Variants in PDZRN3 observed in about 807,000 individuals in gnomAD.
The protein encoded by PDZRN3 is E3 ubiquitin-protein ligase PDZRN3.
PDZRN3 carries 38 observed loss-of-function variants against 85.7 expected under a neutral mutation model. That is an observed-to-expected ratio of 0.44 (90% CI 0.34 to 0.58). PDZRN3 has a LOEUF of 0.58. Among genes scored for constraint, PDZRN3 ranks in the 20% least tolerant of loss-of-function variants. The pLI is 0.01. For synonymous variants in PDZRN3, 759 were observed against 638.0 expected, an observed-to-expected ratio of 1.19 and a Z score of -2.86; for missense variants, 1,629 against 1,506.4, an observed-to-expected ratio of 1.08 and a Z score of -1.35.
chr3:73,585,304 A>C (rs780162326), intron 3 of PDZRN3, among the ~76,000 whole-genome samples: 1 of 152,246 alleles, frequency 6.6e-6, no homozygotes, highest in Admixed American at 6.5e-5. Flanking sequence ...TGGGTTCAGC[A>C]TAACTGTCAT....
intron 3 of PDZRN3, chr3:73,408,220 G>A (rs1701893536): frequency 1.4e-6 from 1 of 702,880 alleles, no homozygotes; most frequent in South Asian, 1.5e-5. Flanking sequence ...CTGGCTGTGG[G>A]CTTTGGGCAA....
chr3:73,624,163 G>T lies in PDZRN3; in HGVS notation c.663C>A (p.Thr221=), dbSNP rs774486590. ...MTALRYQKKF[T]EYSARLDSLS... The stretch of plus-strand genomic sequence containing the variant: ...GCGAGTCGAGGCGCGCGCTGTATTC[G>T]GTGAATTTCTTCTGGTAGCGCAGCG... Residue 221 remains threonine, a synonymous_variant, in exon 1 of 10, where the codon ACC becomes ACA. Coordinates refer to ENST00000263666, the MANE Select transcript of PDZRN3 (RefSeq NM_015009.3). The T allele has an allele frequency of 2.1e-5, 32 of 1,502,702 alleles. No individual in the cohort carries two copies. Among genetic ancestry groups the T allele is most frequent in the Non-Finnish European group, 2.6e-5 (29 of 1,131,792 alleles). 93.1% of individuals were successfully genotyped at this position (1,502,702 alleles called of 1,614,324 possible).
chr3:73,605,019 A>C (rs1702575290), intron 2 of PDZRN3, among the ~76,000 whole-genome samples: 1 of 152,118 alleles, frequency 6.6e-6, no homozygotes, highest in Admixed American at 6.5e-5. Context: ...TCAGGAATTC[A>C]AGACCAGCCT....
At chr3:73,397,994 CG>C (rs1297810069) in intron 5 of PDZRN3, among the ~76,000 whole-genome samples, 1 of 152,036 alleles carries the variant, frequency 6.6e-6, no homozygotes, top group East Asian at 1.9e-4. Flanking sequence ...GTGGTGACTT[CG>C]TGATTTTGCA....
rs755724654 is a variant in PDZRN3, at chr3:73,384,561, C to T, written c.2005G>A (p.Gly669Ser). ...ATPYGLYYPSGPLDAGKSDPE... is the reference protein window; with the variant it reads ...ATPYGLYYPSSPLDAGKSDPE... ...TCACTCTTGCCGGCGTCCAGGGGGC[C>T]GCTAGGGTAGTACAGGCCGTAAGGG... Residue 669 changes from glycine to serine, a missense_variant, in exon 10 of 10, where the codon GGC (glycine) becomes AGC (serine). Transcript: ENST00000263666. 12 of 1,613,534 alleles carry T rather than the reference C, an allele frequency of 7.4e-6. No homozygotes were observed. Among genetic ancestry groups the T allele is most frequent in the Middle Eastern group, 1.6e-4 (1 of 6,082 alleles).
In PDZRN3 at chr3:73,383,953, C is replaced by A; in HGVS notation, c.2613G>T (p.Ala871=). 1.2e-6 allele frequency: 2 copies of A among 1,601,002 alleles called. No homozygotes were observed. The highest frequency in any genetic ancestry group is 8.5e-7 in the Non-Finnish European group (1 of 1,174,428). Reference sequence around the variant, plus strand: ...AGTGCTGGGCGTGCGCCGGGATGTGCGCGTGCTTGTATGGGGAGTGGTGAT... The same window carrying A: ...AGTGCTGGGCGTGCGCCGGGATGTGAGCGTGCTTGTATGGGGAGTGGTGAT... ...PSYHHSPYKH[A]HIPAHAQHYQ... The change falls in exon 10 of 10, where the codon GCG becomes GCT. Residue 871 remains alanine (A), a synonymous_variant. Transcript: ENST00000263666.
intron 3 of PDZRN3, among the ~76,000 whole-genome samples, chr3:73,494,706 T>G (rs986592442): frequency 6.6e-6 from 1 of 152,258 alleles, no homozygotes; most frequent in Non-Finnish European, 1.5e-5. Flanking sequence ...TAAGTAATTT[T>G]TGCCTGCCTA....
chr3:73,453,915 G>A (rs954966672), intron 3 of PDZRN3, among the ~76,000 whole-genome samples: 28 of 152,152 alleles, frequency 1.8e-4, no homozygotes, highest in Non-Finnish European at 3.4e-4. Context: ...AGGGGTCAGT[G>A]TTGGCCAATA....
intron 5 of PDZRN3, among the ~76,000 whole-genome samples, chr3:73,396,459 A>G (rs887450815): frequency 6.6e-6 from 1 of 152,152 alleles, no homozygotes; most frequent in African/African-American, 2.4e-5. Context: ...GGGGCTGACC[A>G]GGAAAGGTTC....
At chr3:73,538,708 T>A (rs1173818531) in intron 3 of PDZRN3, among the ~76,000 whole-genome samples, 1 of 152,210 alleles carries the variant, frequency 6.6e-6, no homozygotes, top group Non-Finnish European at 1.5e-5. Context: ...TTGTTTTGCA[T>A]CCATTTTTCT....
In PDZRN3 at chr3:73,385,776, C is replaced by T. The variant is rs780974844; in HGVS notation, c.1528G>A (p.Gly510Ser). Reference protein sequence around the residue: ...IARPELQLDEGWMDDDRNDFL... With the variant: ...IARPELQLDESWMDDDRNDFL... ...TCGTTCCTGTCATCATCCATCCAGC[C>T]CTCATCCAGCTGCAGGCAAGAGCAG... The change falls in exon 9 of 10, where the codon GGC becomes AGC. Residue 510 changes from glycine (G) to serine (S), a missense_variant. Transcript: ENST00000263666. The T allele has an allele frequency of 4.4e-6, 7 of 1,604,346 alleles. No homozygotes were observed. The highest frequency in any genetic ancestry group is 6.0e-6 in the Non-Finnish European group (7 of 1,171,122).
chr3:73,539,154 C>T (rs1191932988), intron 3 of PDZRN3, among the ~76,000 whole-genome samples: 1 of 152,132 alleles, frequency 6.6e-6, no homozygotes, highest in Admixed American at 6.6e-5. Flanking sequence ...ACAAATATAA[C>T]TTAAAGTCAT....
At chr3:73,613,190 A>G (rs1559757989) in intron 1 of PDZRN3, among the ~76,000 whole-genome samples, 2 of 152,166 alleles carry the variant, frequency 1.3e-5, no homozygotes, top group South Asian at 4.1e-4. Flanking sequence ...CCAGGTAGAC[A>G]ATTTTTATTC....
In PDZRN3 at chr3:73,561,415, C is replaced by T. The variant is rs566771094; in HGVS notation, c.918+40939G>A. The T allele has an allele frequency of 2.0e-5, 3 of 152,324 alleles. No individual in the cohort carries two copies. The South Asian group carries it at 6.2e-4, about 32-fold the overall frequency. The allele number at this position is 152,324 out of a possible 1,614,324, so 9.4% of individuals were successfully genotyped here. On this transcript the variant is annotated intron_variant, in intron 3 of 9. Transcript: ENST00000263666. The stretch of plus-strand genomic sequence containing the variant: ...GAAATGAGCATTCCAGCTGATTCCA[C>T]AGCATGTCAAGAAGGGAAAAGGTTA...
chr3:73,610,397 C>T (rs1702665067), intron 1 of PDZRN3, among the ~76,000 whole-genome samples: 1 of 152,230 alleles, frequency 6.6e-6, no homozygotes, highest in Non-Finnish European at 1.5e-5. Context: ...CATCTATCAA[C>T]ACTATCCCTC....
intron 3 of PDZRN3, among the ~76,000 whole-genome samples, chr3:73,497,341 T>C (rs1703885338): frequency 6.6e-6 from 1 of 152,178 alleles, no homozygotes; most frequent in Admixed American, 6.5e-5. Flanking sequence ...TTATCAATAA[T>C]GAAGAAAGCC....
At chr3:73,471,914 A>ACAC (rs1703348088) in intron 3 of PDZRN3, among the ~76,000 whole-genome samples, 1 of 152,228 alleles carries the variant, frequency 6.6e-6, no homozygotes, top group Admixed American at 6.5e-5. Flanking sequence ...AATCACTGAA[A>ACAC]CACAAGCGGC....
At chr3:73,581,913 A>T (rs1444602331) in intron 3 of PDZRN3, among the ~76,000 whole-genome samples, 2 of 152,098 alleles carry the variant, frequency 1.3e-5, no homozygotes, top group African/African-American at 4.8e-5. Flanking sequence ...AGCCTGGGTA[A>T]CATGGTGAAA....
chr3:73,389,854 T>C lies in PDZRN3; in HGVS notation c.1378A>G (p.Lys460Glu), dbSNP rs201473755. ...TCTCCTTCTCGGATGCGCCCATCCTTGGCTGCAATGCTGTTAGGGTCAATC... is the reference window on the plus strand; with the variant it reads ...TCTCCTTCTCGGATGCGCCCATCCTCGGCTGCAATGCTGTTAGGGTCAATC... ...SEIDPNSIAA[K>E]DGRIREGDRI... is the part of the protein sequence containing the mutation. The change falls in exon 7 of 10, where the codon AAG becomes GAG. Residue 460 changes from lysine to glutamate, a missense_variant. Transcript: ENST00000263666. The C allele has an allele frequency of 1.2e-6, 2 of 1,613,956 alleles. No homozygotes were observed. The highest frequency in any genetic ancestry group is 1.7e-6 in the Non-Finnish European group (2 of 1,179,808).
Sources: gnomAD v4.1 joint callset for allele counts (sites outside exome capture counted in the v4.1 genomes callset) on GRCh38, gnomAD v4.1.1 for gene constraint, MANE v1.5 for transcripts, NCBI Gene and HGNC (gene_info 2026-07-23, HGNC 2026-07-21) for gene names.